Variants in ADCY3 observed in about 807,000 individuals in gnomAD.
ADCY3 encodes adenylate cyclase 3, also known as adenylate cyclase type 3.
In ADCY3, 70 loss-of-function variants were observed where a neutral mutation model predicts 119.4. That is an observed-to-expected ratio of 0.59 (90% CI 0.48 to 0.72). The LOEUF (loss-of-function observed/expected upper bound fraction) is 0.72. Among genes scored for constraint, ADCY3 ranks in the 30% least tolerant of loss-of-function variants. ADCY3 has a pLI of 0.00. For missense variants in ADCY3, 1,238 were observed against 1,541.6 expected, an observed-to-expected ratio of 0.80 and a Z score of 3.30; for synonymous variants, 672 against 621.4, an observed-to-expected ratio of 1.08 and a Z score of -1.21.
At chr2:24,826,940 G>C (rs940810736) in intron 15 of ADCY3, among the ~76,000 whole-genome samples, 2 of 152,106 alleles carry the variant, frequency 1.3e-5, no homozygotes, top group Non-Finnish European at 1.5e-5. Flanking sequence ...TATCTGGACC[G>C]GTACGTGTGT....
chr2:24,918,376 G>A lies in ADCY3; in HGVS notation c.612C>T (p.Val204=). ...GCTGCTGGGCCACGGTGACCCCCAGGACCAACGTGTGCACCACACAGGAGA... is the reference window on the plus strand; with the variant it reads ...GCTGCTGGGCCACGGTGACCCCCAGAACCAACGTGTGCACCACACAGGAGA... ...SVVSCVVHTL[V]LGVTVAQQQQ... Residue 204 remains valine, a synonymous_variant, in exon 2 of 22, where the codon GTC becomes GTT. Coordinates refer to ENST00000679454, the MANE Select transcript of ADCY3 (RefSeq NM_004036.5). The surrounding 1 kb of genome is among the most constrained non-coding windows in gnomAD (Gnocchi z 5.4). The A allele has an allele frequency of 1.2e-6, 2 of 1,611,644 alleles. No individual in the cohort carries two copies. Among genetic ancestry groups the A allele is most frequent in the African/African-American group, 1.3e-5 (1 of 74,958 alleles).
chr2:24,859,443 A>G (rs1673381843), intron 3 of ADCY3, among the ~76,000 whole-genome samples: 1 of 152,204 alleles, frequency 6.6e-6, no homozygotes, highest in Non-Finnish European at 1.5e-5. Context: ...CCAGGCCAAG[A>G]GGCAACTGGC....
chr2:24,845,117 T>C (rs530768930), intron 3 of ADCY3, among the ~76,000 whole-genome samples: 7 of 152,334 alleles, frequency 4.6e-5, no homozygotes. Flanking sequence ...AACCTCTTTT[T>C]CTTCCCAGTC....
intron 2 of ADCY3, among the ~76,000 whole-genome samples, chr2:24,896,467 A>C (rs1275366186): frequency 7.9e-5 from 12 of 151,474 alleles, no homozygotes; most frequent in Admixed American, 2.0e-4. Flanking sequence ...TCTATTGACC[A>C]CTTTTTTTTT....
At chr2:24,914,857 T>G (rs1392531856) in intron 2 of ADCY3, among the ~76,000 whole-genome samples, 2 of 152,060 alleles carry the variant, frequency 1.3e-5, no homozygotes, top group Admixed American at 1.3e-4. Flanking sequence ...GCAAGGCCCA[T>G]GCTGCTCGGC....
At position 24,882,234 on chromosome 2, in the gene ADCY3, G is replaced by A. The variant is rs973992889; in HGVS notation, c.676-9515C>T. ...AGGGGTGTAGATGGTCAAAACCAGA[G>A]AAGGCCATCTGGTCAACCTCCCCAT... On this transcript the variant is annotated intron_variant, in intron 2 of 21. Transcript: ENST00000679454. 1.8e-4 allele frequency among the ~76,000 whole-genome samples: 28 copies of A among 152,130 alleles called. 1 individual carries two copies. The highest frequency in any genetic ancestry group is 3.3e-4 in the Admixed American group (5 of 15,274).
intron 9 of ADCY3, among the ~76,000 whole-genome samples, 167 bp from the exon 10 acceptor site, chr2:24,835,103 G>A (rs903976565): frequency 7.2e-5 from 10 of 138,242 alleles, no homozygotes; most frequent in South Asian, 7.1e-4. Flanking sequence ...ATGCTCCCAC[G>A]TGGCTCCATG....
At position 24,909,437 on chromosome 2, in the gene ADCY3, T is replaced by C. The variant is rs1355809905; in HGVS notation, c.675+8876A>G. 1.3e-5 allele frequency among the ~76,000 whole-genome samples: 2 copies of C among 152,102 alleles called. 1 individual carries two copies. ...CTGGGGTCCATGATTAAGCCACACATCCTGTCACCTAGGGCAGTGTCCTGG... is the reference window on the plus strand; with the variant it reads ...CTGGGGTCCATGATTAAGCCACACACCCTGTCACCTAGGGCAGTGTCCTGG... On this transcript the variant is annotated intron_variant, in intron 2 of 21. Transcript: ENST00000679454.
chr2:24,888,960 G>C (rs780981966), intron 2 of ADCY3, among the ~76,000 whole-genome samples: 1 of 152,172 alleles, frequency 6.6e-6, no homozygotes, highest in Non-Finnish European at 1.5e-5. Context: ...AGTGAGCTGA[G>C]GTCACACCAC....
chr2:24,854,012 C>G (rs1261236357), intron 3 of ADCY3, among the ~76,000 whole-genome samples: 1 of 152,208 alleles, frequency 6.6e-6, no homozygotes, highest in East Asian at 1.9e-4. Flanking sequence ...TTGGTGTTGT[C>G]TCTCCTTTAT....
Position 24,841,284 on chromosome 2 carries a change from C to T in ADCY3, c.1171G>A (p.Gly391Arg). 1.3e-6 allele frequency: 2 copies of T among 1,568,870 alleles called. No individual in the cohort carries two copies. Among genetic ancestry groups the T allele is most frequent in the Non-Finnish European group, 8.6e-7 (1 of 1,157,250 alleles). Residue 391 changes from glycine to arginine, a missense_variant, in exon 6 of 22, where the codon GGG (glycine) becomes AGG (arginine). Around this residue, in one of 7 missense-constraint regions of ADCY3, gnomAD observed 283 missense variants for 437.2 expected, o/e 0.65. Transcript: ENST00000679454. The surrounding 1 kb of genome is among the most constrained non-coding windows in gnomAD (Gnocchi z 5.8). ...EDHAVCSILM[G>R]LAMVEAISYV... ...GAGATGGCCTCCACCATGGCCAGCC[C>T]CATGAGGATGGAGCAGACGGCGTGG...
intron 2 of ADCY3, among the ~76,000 whole-genome samples, chr2:24,893,092 T>C (rs373341578): frequency 9.2e-4 from 140 of 151,514 alleles, no homozygotes; most frequent in Middle Eastern, 3.4e-3. Flanking sequence ...GCAGTGCAGT[T>C]GTGCAATCAC....
At chr2:24,829,007 C>A (rs1669031531) in intron 13 of ADCY3, among the ~76,000 whole-genome samples, 1 of 128,258 alleles carries the variant, frequency 7.8e-6, no homozygotes, top group Admixed American at 9.3e-5. Context: ...TCCCAGTAGA[C>A]TTATTCTTTT....
chr2:24,840,180 G>T lies in ADCY3; in HGVS notation c.1197-149C>A, dbSNP rs1038415813. On this transcript the variant is annotated intron_variant, in intron 6 of 21. Coordinates refer to ENST00000679454, the MANE Select transcript of ADCY3 (RefSeq NM_004036.5). ...GTCCCCACAGCTTGGTGTTGGGTGG[G>T]GGGTAAGGCAGGCCAGGGCCAGCCC... 5 of 1,124,038 alleles carry T rather than the reference G, an allele frequency of 4.4e-6. 1 individual carries two copies. The highest frequency in any genetic ancestry group is 3.2e-5 in the South Asian group (2 of 62,360). 69.6% of individuals were successfully genotyped at this position (1,124,038 alleles called of 1,614,324 possible). A position where few individuals can be genotyped will look rare whatever the true frequency, so the allele number is the denominator to read the frequency against.
At chr2:24,821,056 C>CCG in intron 20 of ADCY3, 1 of 648,316 alleles carries the variant, frequency 1.5e-6, no homozygotes. Context: ...CACCCCCCCC[C>CCG]CATATGCAGA....
At chr2:24,850,450 G>A (rs1029164380) in intron 3 of ADCY3, among the ~76,000 whole-genome samples, 8 of 152,212 alleles carry the variant, frequency 5.3e-5, no homozygotes, top group Admixed American at 5.2e-4. Context: ...GGGTCCCACA[G>A]TGGGGGACAG....
At chr2:24,820,413 C>T in intron 21 of ADCY3, 2 of 1,324,204 alleles carry the variant, frequency 1.5e-6, no homozygotes, top group African/African-American at 1.5e-5. Flanking sequence ...GCTCTTCTGT[C>T]CCTTTGCCCC....
chr2:24,875,306 G>A (rs1458979631), intron 2 of ADCY3, among the ~76,000 whole-genome samples: 1 of 152,194 alleles, frequency 6.6e-6, no homozygotes, highest in East Asian at 1.9e-4. Flanking sequence ...CTCCCACAAA[G>A]TCGTGGCTAC....
rs1664930098 is a variant in ADCY3, at chr2:24,920,201, C to G, written c.-716G>C. Reference sequence around the variant, plus strand: ...GCTCGGCGTGCTGCACAGCTATTCCCCGCGCGGCGCCGGCGGCTCCGGGGC... The same window carrying G: ...GCTCGGCGTGCTGCACAGCTATTCCGCGCGCGGCGCCGGCGGCTCCGGGGC... On this transcript the variant is annotated 5_prime_UTR_variant, in exon 1 of 22. Transcript: ENST00000679454. The surrounding 1 kb of genome is among the most constrained non-coding windows in gnomAD (Gnocchi z 4.5). Among the ~76,000 whole-genome samples, 2 of 146,488 alleles carry G rather than the reference C, an allele frequency of 1.4e-5. No homozygotes were observed. The highest frequency in any genetic ancestry group is 4.9e-5 in the African/African-American group (2 of 40,852).
Sources: gnomAD v4.1 joint callset for allele counts (sites outside exome capture counted in the v4.1 genomes callset) on GRCh38, gnomAD v4.1.1 for gene constraint, gnomAD v4.1.1 regional missense constraint, Gnocchi (gnomAD v3.1) non-coding constraint, MANE v1.5 for transcripts, NCBI Gene and HGNC (gene_info 2026-07-23, HGNC 2026-07-21) for gene names.